WDFY1: variants seen among roughly 807,000 people sequenced by gnomAD.
The protein encoded by WDFY1 is WD repeat and FYVE domain-containing protein 1.
A neutral mutation model predicts 56.4 loss-of-function variants in WDFY1; 32 were observed. The ratio of observed to expected loss-of-function variants is 0.57; its 90% CI spans 0.43 to 0.76. The LOEUF is 0.76. WDFY1 is among the 30% of genes least tolerant of loss of function. The pLI, the probability that WDFY1 is intolerant of heterozygous loss-of-function variation, is 0.00. For synonymous variants in WDFY1, 192 were observed against 197.3 expected (o/e 0.97, Z 0.23); for missense variants, 480 against 545.7 (o/e 0.88, Z 1.20).
chr2:223,924,354 C>T (rs994954474), intron 1 of WDFY1, among the ~76,000 whole-genome samples: 1 of 152,106 alleles, frequency 6.6e-6, no homozygotes, highest in African/African-American at 2.4e-5. Flanking sequence ...AGGGTATGCA[C>T]GCCACTACCA....
At chr2:223,906,904 A>G (rs1177076376) in intron 3 of WDFY1, among the ~76,000 whole-genome samples, 1 of 151,898 alleles carries the variant, frequency 6.6e-6, no homozygotes, top group Non-Finnish European at 1.5e-5. Flanking sequence ...ATCAACCTCA[A>G]CTAAAGCTAT....
chr2:223,901,141 C>A, intron 5 of WDFY1, 42 bp downstream of exon 5: 1 of 1,582,370 alleles, frequency 6.3e-7, no homozygotes, highest in African/African-American at 1.3e-5. Context: ...CACTGAGAAG[C>A]AGAGGCCAGG....
chr2:223,886,729 TAAAA>T (rs34317110), intron 8 of WDFY1, among the ~76,000 whole-genome samples: 14 of 95,626 alleles, frequency 1.5e-4, no homozygotes, highest in Non-Finnish European at 2.7e-4. Flanking sequence ...AAACTCCGTC[TAAAA>T]AAAAAAAAAA....
intron 6 of WDFY1, among the ~76,000 whole-genome samples, chr2:223,896,777 TGCAAAG>T (rs1424827961): frequency 6.6e-6 from 1 of 152,236 alleles, no homozygotes; most frequent in South Asian, 2.1e-4. Flanking sequence ...ACAAATATTC[TGCAAAG>T]GCTTCAGGGG....
At chr2:223,879,753 C>G (rs1320651299) in intron 11 of WDFY1, among the ~76,000 whole-genome samples, 1 of 152,034 alleles carries the variant, frequency 6.6e-6, no homozygotes, top group Non-Finnish European at 1.5e-5. Flanking sequence ...TGTGGTTATT[C>G]CTTATACTGA....
intron 1 of WDFY1, among the ~76,000 whole-genome samples, chr2:223,942,348 T>A (rs529839177): frequency 2.9e-4 from 44 of 151,072 alleles, no homozygotes; most frequent in African/African-American, 9.5e-4. Flanking sequence ...GCTTCCCGAG[T>A]AGCTGGGACT....
Position 223,877,203 on chromosome 2 carries a change from C to CCT in WDFY1, c.*1466_*1467dup, listed in dbSNP as rs1418962185. The CCT allele has an allele frequency of 6.6e-6, 1 of 152,004 alleles. No individual in the cohort carries two copies. The highest frequency in any genetic ancestry group is 2.4e-5 in the African/African-American group (1 of 41,390). 9.4% of individuals were successfully genotyped at this position (152,004 alleles called of 1,614,324 possible). A position where few individuals can be genotyped will look rare whatever the true frequency, so the allele number is the denominator to read the frequency against. On this transcript the variant is annotated 3_prime_UTR_variant, in exon 12 of 12. Transcript: ENST00000233055. ...GATCGCCTCCTTAAACCTTTCAGTC[C>CCT]CTCTAAGACATCATTATAAAACAAA...
At chr2:223,925,215 TA>T (rs35020883) in intron 1 of WDFY1, among the ~76,000 whole-genome samples, 38,246 of 139,452 alleles carry the variant, frequency 0.27, 4,994 homozygotes, top group South Asian at 0.31. Flanking sequence ...TTTTTGTTCC[TA>T]AAAAAAAAAA....
intron 4 of WDFY1, among the ~76,000 whole-genome samples, chr2:223,905,663 T>A (rs529139033): frequency 7.0e-4 from 107 of 152,034 alleles, no homozygotes; most frequent in African/African-American, 2.4e-3. Flanking sequence ...CATACATGTA[T>A]GAAGAGTAGT....
intron 8 of WDFY1, among the ~76,000 whole-genome samples, chr2:223,890,930 TTCCAAC>T (rs1334836766): frequency 1.3e-5 from 2 of 152,206 alleles, no homozygotes; most frequent in African/African-American, 4.8e-5. Context: ...GCAAATCTGC[TTCCAAC>T]TCGACAGCGT....
rs1693082906 is a variant in WDFY1, at chr2:223,882,079, AG to A, written c.934-8del. 1.9e-6 allele frequency: 3 copies of A among 1,612,056 alleles called. No homozygotes were observed. The South Asian group carries it at 3.3e-5, about 18-fold the overall frequency. ...CGCATTTCCTGCAGTGATGCTTCAC[AG>A]GTGACCGGGAGGAGGAAAACAGGGT... On this transcript the variant is annotated splice_polypyrimidine_tract_variant and splice_region_variant and intron_variant, in intron 9 of 11. Transcript: ENST00000233055.
At chr2:223,927,737 C>G (rs780792440) in intron 1 of WDFY1, among the ~76,000 whole-genome samples, 1 of 152,186 alleles carries the variant, frequency 6.6e-6, no homozygotes, top group Non-Finnish European at 1.5e-5. Context: ...TGCAAAAGGC[C>G]TAGCTTTCGG....
intron 8 of WDFY1, 52 bp downstream of exon 8, chr2:223,894,182 C>T (rs1693322742): frequency 3.1e-6 from 5 of 1,596,358 alleles, no homozygotes; most frequent in Non-Finnish European, 4.3e-6. Context: ...AAGAAGAAGC[C>T]AGGTTCCTGG....
chr2:223,895,770 G>A, intron 6 of WDFY1, 140 bp from the exon 7 acceptor site: 5 of 1,137,984 alleles, frequency 4.4e-6, no homozygotes, highest in South Asian at 1.5e-5. Flanking sequence ...TCTTCATGGT[G>A]TACAACGGGT....
chr2:223,930,036 C>T (rs938368737), intron 1 of WDFY1, among the ~76,000 whole-genome samples: 1 of 152,078 alleles, frequency 6.6e-6, no homozygotes, highest in Non-Finnish European at 1.5e-5. Flanking sequence ...TTACTTTTTC[C>T]CCCCAAATAA....
Position 223,943,329 on chromosome 2 carries a change from T to C in WDFY1, c.137+1819A>G, listed in dbSNP as rs534276305. ...TCCTGCCAATCACTCCCCTCCTTGT[T>C]GGAAGTCAGCTACAGGTGAACCAGC... On this transcript the variant is annotated intron_variant, in intron 1 of 11. Coordinates refer to ENST00000233055, the MANE Select transcript of WDFY1 (RefSeq NM_020830.5). Among the ~76,000 whole-genome samples, 311 of 152,248 alleles carry C rather than the reference T, an allele frequency of 2.0e-3. 3 individuals carry two copies. Among genetic ancestry groups the C allele is most frequent in the African/African-American group, 7.3e-3 (304 of 41,548 alleles).
At chr2:223,944,785 G>T (rs2106109105) in intron 1 of WDFY1, among the ~76,000 whole-genome samples, 1 of 150,262 alleles carries the variant, frequency 6.7e-6, no homozygotes, top group South Asian at 2.1e-4. Context: ...GGGCTGGGAG[G>T]GGCGCGGTAG....
chr2:223,912,353 C>T (rs748101276), intron 2 of WDFY1, 27 bp from the exon 3 acceptor site: 7 of 1,580,752 alleles, frequency 4.4e-6, no homozygotes, highest in African/African-American at 2.8e-5. Context: ...GACCACATTA[C>T]CAGCAAAGCT....
chr2:223,931,686 CTTT>C (rs796921019), intron 1 of WDFY1, among the ~76,000 whole-genome samples: 31 of 42,278 alleles, frequency 7.3e-4, no homozygotes, highest in South Asian at 6.3e-3. Context: ...ATTTTTCTTT[CTTT>C]TTTTTTTTTT....
Sources: allele counts gnomAD v4.1 joint callset (sites outside exome capture counted in the v4.1 genomes callset), GRCh38; gene constraint gnomAD v4.1.1; transcripts MANE v1.5; gene names NCBI Gene and HGNC (gene_info 2026-07-23, HGNC 2026-07-21).